GUCY1A2: variants seen among roughly 807,000 people sequenced by gnomAD.
The protein encoded by GUCY1A2 is guanylate cyclase soluble subunit alpha-2.
In GUCY1A2, 27 loss-of-function variants were observed where a neutral mutation model predicts 63.5. The ratio of observed to expected loss-of-function variants is 0.43; its 90% CI spans 0.31 to 0.59. The LOEUF (loss-of-function observed/expected upper bound fraction) is 0.59. Among genes scored for constraint, GUCY1A2 ranks in the 20% least tolerant of loss-of-function variants. GUCY1A2 has a pLI of 0.11. For synonymous variants in GUCY1A2, 364 were observed against 343.5 expected (o/e 1.06, Z -0.66); for missense variants, 768 against 913.3 (o/e 0.84, Z 2.05).
intron 4 of GUCY1A2, among the ~76,000 whole-genome samples, chr11:106,831,651 C>G (rs1488707493): frequency 6.6e-6 from 1 of 152,188 alleles, no homozygotes. Flanking sequence ...GGCCACTTGT[C>G]TAAGATGGTA....
At chr11:106,892,806 G>A (rs1041593540) in intron 4 of GUCY1A2, among the ~76,000 whole-genome samples, 1 of 152,062 alleles carries the variant, frequency 6.6e-6, no homozygotes, top group Non-Finnish European at 1.5e-5. Flanking sequence ...AATGTTTGGG[G>A]TTTGCAAGAA....
intron 3 of GUCY1A2, among the ~76,000 whole-genome samples, chr11:106,949,101 TTGTG>T (rs1408968835): frequency 6.6e-6 from 1 of 152,146 alleles, no homozygotes; most frequent in Non-Finnish European, 1.5e-5. Flanking sequence ...TGTGTGTGTG[TTGTG>T]TGTAAGTTCA....
intron 5 of GUCY1A2, among the ~76,000 whole-genome samples, chr11:106,787,061 G>A (rs545608348): frequency 3.3e-5 from 5 of 152,156 alleles, no homozygotes; most frequent in Admixed American, 2.0e-4. Context: ...CATATCAAGT[G>A]AAAATATTAA....
At chr11:106,946,863 A>G (rs1188601889) in intron 3 of GUCY1A2, among the ~76,000 whole-genome samples, 1 of 152,176 alleles carries the variant, frequency 6.6e-6, no homozygotes, top group Non-Finnish European at 1.5e-5. Context: ...ATTGCATGGT[A>G]TGTAAATCAT....
At chr11:106,974,656 C>T (rs1861239533) in intron 3 of GUCY1A2, among the ~76,000 whole-genome samples, 1 of 152,062 alleles carries the variant, frequency 6.6e-6, no homozygotes, top group Non-Finnish European at 1.5e-5. Flanking sequence ...TTTCCTCTAT[C>T]CTCCTTACTA....
chr11:106,705,569 A>G (rs1862893690), intron 7 of GUCY1A2, among the ~76,000 whole-genome samples: 1 of 152,160 alleles, frequency 6.6e-6, no homozygotes, highest in African/African-American at 2.4e-5. Context: ...TATATAGAAC[A>G]TGGGACTGAG....
intron 6 of GUCY1A2, among the ~76,000 whole-genome samples, chr11:106,723,824 C>CAA (rs553635197): frequency 7.0e-6 from 1 of 142,692 alleles, no homozygotes; most frequent in South Asian, 2.2e-4. Flanking sequence ...AACTCCATCT[C>CAA]AAAAAAAAAA....
intron 3 of GUCY1A2, among the ~76,000 whole-genome samples, chr11:106,959,012 A>T (rs1233793738): frequency 6.6e-6 from 1 of 152,244 alleles, no homozygotes; most frequent in Non-Finnish European, 1.5e-5. Context: ...TGAACTCATA[A>T]GCACTGCTTC....
chr11:106,939,209 T>C (rs1018418332), intron 4 of GUCY1A2, among the ~76,000 whole-genome samples: 1 of 152,238 alleles, frequency 6.6e-6, no homozygotes, highest in African/African-American at 2.4e-5. Context: ...ATTTTTGTAA[T>C]TGCTATAGCT....
intron 4 of GUCY1A2, among the ~76,000 whole-genome samples, chr11:106,870,839 G>A (rs562430996): frequency 6.6e-6 from 1 of 152,198 alleles, no homozygotes; most frequent in East Asian, 1.9e-4. Context: ...TTCGCCTAAA[G>A]CCATACATCA....
At position 106,677,793 on chromosome 11, in the gene GUCY1A2, A is replaced by G. The variant is rs1862370843; in HGVS notation, c.*9756T>C. On this transcript the variant is annotated 3_prime_UTR_variant, in exon 8 of 8. Transcript: ENST00000526355. ...TTTTGTGTCTCTTTCCATCTTCTCT[A>G]CTGGTATCCATTCCTTTCTCTAAGT... is the stretch of plus-strand genomic sequence containing the variant. 1 of 211,204 alleles carries G rather than the reference A, an allele frequency of 4.7e-6. No individual in the cohort carries two copies. Among genetic ancestry groups the G allele is most frequent in the East Asian group, 7.0e-5 (1 of 14,210 alleles). 13.1% of individuals were successfully genotyped at this position (211,204 alleles called of 1,614,324 possible).
intron 4 of GUCY1A2, among the ~76,000 whole-genome samples, chr11:106,872,324 C>G (rs1411200094): frequency 6.6e-6 from 1 of 152,144 alleles, no homozygotes; most frequent in African/African-American, 2.4e-5. Context: ...AATAAAAATA[C>G]TAATATTATC....
At position 106,686,689 on chromosome 11, in the gene GUCY1A2, C is replaced by A. The variant is rs192633687; in HGVS notation, c.*860G>T. The A allele has an allele frequency of 9.9e-5, 21 of 211,692 alleles. No homozygotes were observed. In the East Asian group the frequency reaches 1.4e-3, roughly 14 times the overall value. The allele number at this position is 211,692 out of a possible 1,614,324, so 13.1% of individuals were successfully genotyped here. A position where few individuals can be genotyped will look rare whatever the true frequency, so the allele number is the denominator to read the frequency against. On this transcript the variant is annotated 3_prime_UTR_variant, in exon 8 of 8. Transcript: ENST00000526355. The stretch of plus-strand genomic sequence containing the variant: ...AGTGTAGCAAAGCATTTCATTTTAA[C>A]TGATATTTGTTAGAAGGTGGCAAAA...
At chr11:106,898,515 A>G (rs1860082258) in intron 4 of GUCY1A2, among the ~76,000 whole-genome samples, 1 of 152,216 alleles carries the variant, frequency 6.6e-6, no homozygotes, top group South Asian at 2.1e-4. Context: ...AGTGCTAAAA[A>G]GAAATGGGCT....
At chr11:106,705,604 T>C (rs2135346803) in intron 7 of GUCY1A2, among the ~76,000 whole-genome samples, 1 of 152,238 alleles carries the variant, frequency 6.6e-6, no homozygotes, top group East Asian at 1.9e-4. Context: ...CTCAGGCTTA[T>C]AATCCCAGCA....
At chr11:106,749,688 C>T (rs1448401666) in intron 6 of GUCY1A2, among the ~76,000 whole-genome samples, 1 of 152,068 alleles carries the variant, frequency 6.6e-6, no homozygotes, top group Non-Finnish European at 1.5e-5. Context: ...GAGCAATCCC[C>T]AGTGGAATCT....
intron 1 of GUCY1A2, among the ~76,000 whole-genome samples, chr11:106,997,626 C>A (rs868259068): frequency 1.7e-4 from 24 of 142,728 alleles, no homozygotes; most frequent in East Asian, 1.3e-3. Flanking sequence ...AACCCCCCCC[C>A]CCCACCCGAG....
In GUCY1A2 at chr11:106,940,988, G is replaced by C. The variant is rs1293283227; in HGVS notation, c.488-810C>G. On this transcript the variant is annotated intron_variant, in intron 3 of 7. Transcript: ENST00000526355. ...AAAGAAATCTATGGCACATGAATGG[G>C]GATAGGCATCAAGCTATCTGGTGGA... 2.0e-5 allele frequency among the ~76,000 whole-genome samples: 3 copies of C among 152,106 alleles called. No homozygotes were observed. In the East Asian group the frequency reaches 5.8e-4, roughly 29 times the overall value.
chr11:106,966,306 C>T (rs1224523988), intron 3 of GUCY1A2, among the ~76,000 whole-genome samples: 2 of 152,106 alleles, frequency 1.3e-5, no homozygotes, highest in East Asian at 3.9e-4. Flanking sequence ...GGGGTTATCA[C>T]CATGTTGGCC....
Sources: gnomAD v4.1 joint callset for allele counts (sites outside exome capture counted in the v4.1 genomes callset) on GRCh38, gnomAD v4.1.1 for gene constraint, MANE v1.5 for transcripts, NCBI Gene and HGNC (gene_info 2026-07-23, HGNC 2026-07-21) for gene names.